Variants in INTS14 observed in about 807,000 individuals in gnomAD.
INTS14 encodes UPF0464 protein C15orf44.
Under a neutral mutation model 56.9 loss-of-function variants are expected in INTS14, and 27 were observed. The observed-to-expected ratio is 0.47, with a 90% CI of 0.35 to 0.65. The LOEUF is 0.65. Among genes scored for constraint, INTS14 ranks in the 30% least tolerant of loss-of-function variants. The pLI is 0.00. For synonymous variants in INTS14, 207 were observed against 236.2 expected (o/e 0.88, Z 1.13); for missense variants, 517 against 632.2 (o/e 0.82, Z 1.95).
chr15:65,610,694 T>C (rs1172991034), intron 1 of INTS14: 1 of 1,535,724 alleles, frequency 6.5e-7, no homozygotes, highest in Non-Finnish European at 8.7e-7. Context: ...ACCTGCTCTT[T>C]GGCTTTCCCG....
At position 65,593,670 on chromosome 15, in the gene INTS14, T is replaced by C. The variant is rs559813438; in HGVS notation, c.842-98A>G. 6.4e-4 allele frequency: 889 copies of C among 1,395,474 alleles called. 13 individuals are homozygous for C. The South Asian group carries it at 0.012, about 19-fold the overall frequency. 86.4% of individuals were successfully genotyped at this position (1,395,474 alleles called of 1,614,324 possible). On this transcript the variant is annotated intron_variant, in intron 7 of 11. Coordinates refer to ENST00000313182, the MANE Select transcript of INTS14 (RefSeq NM_001394796.1). ...GATGTTTCTAGCCTTTAAGGGATAG[T>C]GTAGAGTTCTAAGGGAATATTATAA... is the stretch of plus-strand genomic sequence containing the variant.
intron 5 of INTS14, 58 bp from the exon 6 acceptor site, chr15:65,598,521 T>C: frequency 6.5e-7 from 1 of 1,535,784 alleles, no homozygotes; most frequent in South Asian, 1.2e-5. Context: ...TGAAGTTAAT[T>C]TTTCAGGACG....
Position 65,607,279 on chromosome 15 carries a change from A to G in INTS14, c.102T>C (p.Gly34=). The change falls in exon 2 of 12, where the codon GGT becomes GGC. Residue 34 remains glycine (G), a synonymous_variant. Transcript: ENST00000313182. ...EYQRKHLAAH[G]LTMLFEHMAT... ...CCATGTGCTCAAACAGCATCGTTAA[A>G]CCATGGGCTGCTAGGTGCTTACGCT... 2 of 1,614,146 alleles carry G rather than the reference A, an allele frequency of 1.2e-6. No individual in the cohort carries two copies. The highest frequency in any genetic ancestry group is 1.7e-5 in the Admixed American group (1 of 60,018).
At chr15:65,610,180 T>C (rs1360794426) in intron 1 of INTS14, among the ~76,000 whole-genome samples, 1 of 151,908 alleles carries the variant, frequency 6.6e-6, no homozygotes, top group Non-Finnish European at 1.5e-5. Flanking sequence ...ACCAACATGG[T>C]GAAACCCCAT....
intron 9 of INTS14, among the ~76,000 whole-genome samples, chr15:65,591,230 G>A (rs1200239575): frequency 6.6e-6 from 1 of 152,064 alleles, no homozygotes; most frequent in Non-Finnish European, 1.5e-5. Flanking sequence ...CAGAAGCAAT[G>A]TCAGGAAAGC....
In INTS14 at chr15:65,607,303, C is replaced by G. The variant is rs1244293987; in HGVS notation, c.78G>C (p.Gln26His). Reference sequence around the variant, plus strand: ...AACCATGGGCTGCTAGGTGCTTACGCTGGTATTCCTCGGACCCCTCAATAG... The same window carrying G: ...AACCATGGGCTGCTAGGTGCTTACGGTGGTATTCCTCGGACCCCTCAATAG... ...PVSIEGSEEY[Q>H]RKHLAAHGLT... is the part of the protein sequence containing the mutation. The change falls in exon 2 of 12, where the codon CAG becomes CAC. Residue 26 changes from glutamine to histidine, a missense_variant. Physicochemically the swap from Gln to His is conservative, Grantham distance 24. Transcript: ENST00000313182. The G allele has an allele frequency of 6.2e-7, 1 of 1,614,170 alleles. No individual in the cohort carries two copies. The highest frequency in any genetic ancestry group is 8.5e-7 in the Non-Finnish European group (1 of 1,180,044).
At chr15:65,588,529 A>C (rs544613282) in intron 9 of INTS14, among the ~76,000 whole-genome samples, 1 of 152,000 alleles carries the variant, frequency 6.6e-6, no homozygotes, top group African/African-American at 2.4e-5. Context: ...TTAGCCGGGC[A>C]TGGTGGCTTG....
chr15:65,610,922 A>C (rs2073906794), intron 1 of INTS14, 176 bp downstream of exon 1: 1 of 1,439,668 alleles, frequency 6.9e-7, no homozygotes, highest in African/African-American at 1.4e-5. Context: ...CCTCAGAGCG[A>C]GGGGAGGCCG....
chr15:65,586,468 G>A (rs2899708), intron 9 of INTS14: 31,242 of 152,028 alleles, frequency 0.21, 3,549 homozygotes, highest in African/African-American at 0.3. Flanking sequence ...CCCCTTCCAT[G>A]AAATTGTTTC....
In INTS14 at chr15:65,598,376, T is replaced by C. The variant is rs2073294196; in HGVS notation, c.693A>G (p.Pro231=). 1 of 1,614,134 alleles carries C rather than the reference T, an allele frequency of 6.2e-7. No homozygotes were observed. Among genetic ancestry groups the C allele is most frequent in the South Asian group, 1.1e-5 (1 of 91,078 alleles). ...TTTCTTCATCTACAACAAAAGGTTC[T>C]GGCCTGGGGAAGACTTGTACATCAG... ...LTADVQVFPR[P]EPFVVDEEID... is the part of the protein sequence containing the mutation. The change falls in exon 6 of 12, where the codon CCA becomes CCG. Residue 231 remains proline (P), a synonymous_variant. Transcript: ENST00000313182.
chr15:65,599,234 G>GGTCAA (rs1345316558), intron 4 of INTS14: 3 of 373,202 alleles, frequency 8.0e-6, no homozygotes, highest in Non-Finnish European at 1.5e-5. Context: ...GATTCTCAGA[G>GGTCAA]GTGACCACAG....
intron 3 of INTS14, among the ~76,000 whole-genome samples, chr15:65,600,410 C>G (rs533477520): frequency 6.2e-4 from 94 of 152,278 alleles, no homozygotes; most frequent in African/African-American, 2.2e-3. Flanking sequence ...AGGCAGATCA[C>G]TAGAGGCCAG....
chr15:65,605,027 G>T, intron 3 of INTS14, 102 bp downstream of exon 3: 1 of 844,302 alleles, frequency 1.2e-6, no homozygotes, highest in Non-Finnish European at 2.0e-6. Context: ...AATGTAGTTT[G>T]TAGAAATTAC....
chr15:65,584,391 C>A (rs781575022), intron 10 of INTS14, among the ~76,000 whole-genome samples: 1 of 152,164 alleles, frequency 6.6e-6, no homozygotes, highest in Non-Finnish European at 1.5e-5. Context: ...CACTAAAATT[C>A]AATGCCAGGA....
At chr15:65,584,210 A>G (rs1275772573) in intron 10 of INTS14, among the ~76,000 whole-genome samples, 3 of 152,184 alleles carry the variant, frequency 2.0e-5, no homozygotes, top group Non-Finnish European at 4.4e-5. Flanking sequence ...TGATAATCAT[A>G]TTATCATAAC....
intron 7 of INTS14, 40 bp downstream of exon 7, chr15:65,595,691 TTA>T: frequency 6.8e-7 from 1 of 1,466,888 alleles, no homozygotes; most frequent in Non-Finnish European, 9.3e-7. Flanking sequence ...ACAACTTTAG[TTA>T]ATAAGACGCT....
intron 9 of INTS14, chr15:65,586,701 T>TA (rs2072837807): frequency 6.6e-6 from 1 of 152,064 alleles, no homozygotes; most frequent in Non-Finnish European, 1.5e-5. Flanking sequence ...AGTTATAAGA[T>TA]AAATTTGAAG....
chr15:65,589,699 T>C (rs2072955194), intron 9 of INTS14, among the ~76,000 whole-genome samples: 1 of 152,082 alleles, frequency 6.6e-6, no homozygotes, highest in Non-Finnish European at 1.5e-5. Flanking sequence ...TATGAGCTCA[T>C]TTTTTTTCAG....
Position 65,591,609 on chromosome 15 carries a change from C to A in INTS14, c.1109G>T (p.Gly370Val), listed in dbSNP as rs767048525. Reference protein sequence around the residue: ...LPWLGKMAQLGPISDAKENPY... With the variant: ...LPWLGKMAQLVPISDAKENPY... ...GATCTGGATTATACCTGAAATAGGACCCAACTGTGCCATTTTCCCTAGCCA... is the reference window on the plus strand; with the variant it reads ...GATCTGGATTATACCTGAAATAGGAACCAACTGTGCCATTTTCCCTAGCCA... The change falls in exon 9 of 12, where the codon GGT (glycine) becomes GTT (valine). Residue 370 changes from glycine (G) to valine (V), a missense_variant. Gly to Val is a moderately radical substitution (Grantham distance 109). Transcript: ENST00000313182. 1 of 1,613,880 alleles carries A rather than the reference C, an allele frequency of 6.2e-7. No homozygotes were observed. Among genetic ancestry groups the A allele is most frequent in the Non-Finnish European group, 8.5e-7 (1 of 1,179,926 alleles).
Sources: gnomAD v4.1 joint callset for allele counts (sites outside exome capture counted in the v4.1 genomes callset) on GRCh38, gnomAD v4.1.1 for gene constraint, MANE v1.5 for transcripts, NCBI Gene and HGNC (gene_info 2026-07-23, HGNC 2026-07-21) for gene names.